GLG1: variants seen among roughly 807,000 people sequenced by gnomAD.
The protein encoded by GLG1 is Golgi apparatus protein 1.
GLG1 carries 38 observed loss-of-function variants against 160.5 expected under a neutral mutation model. The ratio of observed to expected loss-of-function variants is 0.24; its 90% CI spans 0.18 to 0.31. GLG1 has a LOEUF of 0.31. Among genes scored for constraint, GLG1 ranks in the 10% least tolerant of loss-of-function variants. GLG1 has a pLI of 1.00. For missense variants in GLG1, 1,373 were observed against 1,505.2 expected (o/e 0.91, Z 1.45); for synonymous variants, 644 against 543.4 (o/e 1.19, Z -2.57).
chr16:74,476,419 A>T (rs1567467663), intron 12 of GLG1, among the ~76,000 whole-genome samples: 1 of 152,204 alleles, frequency 6.6e-6, no homozygotes, highest in African/African-American at 2.4e-5. Flanking sequence ...TGAACATGAT[A>T]GTCCTATGCT....
At chr16:74,516,742 C>CT (rs1225444358) in intron 2 of GLG1, among the ~76,000 whole-genome samples, 1 of 152,090 alleles carries the variant, frequency 6.6e-6, no homozygotes, top group African/African-American at 2.4e-5. Context: ...ACAAAAAACC[C>CT]TTCAAAATAA....
intron 1 of GLG1, among the ~76,000 whole-genome samples, chr16:74,557,722 C>A (rs1476569507): frequency 2.0e-5 from 3 of 151,748 alleles, no homozygotes; most frequent in Non-Finnish European, 2.9e-5. Context: ...AAGCAGCCAG[C>A]TGGTTCCTTG....
chr16:74,457,678 G>A (rs2014611961), intron 24 of GLG1, among the ~76,000 whole-genome samples, 196 bp downstream of exon 24: 2 of 152,138 alleles, frequency 1.3e-5, no homozygotes, highest in South Asian at 4.1e-4. Context: ...GTTCAAACTC[G>A]CAGGCTTATT....
rs547972719 is a variant in GLG1, at chr16:74,521,446, A to C, written c.471+10675T>G. On this transcript the variant is annotated intron_variant, in intron 2 of 25. Coordinates refer to ENST00000422840, the MANE Select transcript of GLG1 (RefSeq NM_001145667.2). ...ACTTGTATCAGGGCAATAGCAGTGA[A>C]AATGGCCAAATTCAGGATATATTTC... Among the ~76,000 whole-genome samples, 5 of 152,256 alleles carry C rather than the reference A, an allele frequency of 3.3e-5. No individual in the cohort carries two copies. The South Asian group carries it at 1.0e-3, about 32-fold the overall frequency.
chr16:74,519,468 T>C (rs1305133508), intron 2 of GLG1, among the ~76,000 whole-genome samples: 1 of 151,328 alleles, frequency 6.6e-6, no homozygotes, highest in Non-Finnish European at 1.5e-5. Context: ...ATGTAACCCA[T>C]AACTTAAAGT....
At chr16:74,542,586 C>T (rs578086550) in intron 1 of GLG1, among the ~76,000 whole-genome samples, 18 of 149,900 alleles carry the variant, frequency 1.2e-4, no homozygotes, top group African/African-American at 3.7e-4. Context: ...GCAGGAGAAT[C>T]GCTTGAACCC....
intron 3 of GLG1, among the ~76,000 whole-genome samples, chr16:74,504,955 G>T (rs2143465792): frequency 6.6e-6 from 1 of 152,336 alleles, no homozygotes; most frequent in African/African-American, 2.4e-5. Flanking sequence ...AGGGTGTTTG[G>T]AAAAGAGCCT....
chr16:74,474,918 AGGCTGAAGTG>A (rs2015343071), intron 12 of GLG1, among the ~76,000 whole-genome samples: 1 of 152,160 alleles, frequency 6.6e-6, no homozygotes, highest in Non-Finnish European at 1.5e-5. Context: ...GCACTTTGGG[AGGCTGAAGTG>A]GGCAGATCAC....
intron 25 of GLG1, among the ~76,000 whole-genome samples, chr16:74,455,336 G>A (rs563403384): frequency 2.0e-5 from 3 of 152,246 alleles, no homozygotes; most frequent in Admixed American, 6.5e-5. Flanking sequence ...GTAGGGAGGC[G>A]TGAGATGAAT....
At chr16:74,543,446 C>T (rs1294483466) in intron 1 of GLG1, among the ~76,000 whole-genome samples, 1 of 152,132 alleles carries the variant, frequency 6.6e-6, no homozygotes, top group South Asian at 2.1e-4. Context: ...CTACTGCACT[C>T]CAGCCTGGAC....
chr16:74,492,447 T>C (rs1237568166), intron 7 of GLG1, among the ~76,000 whole-genome samples: 1 of 149,862 alleles, frequency 6.7e-6, no homozygotes, highest in Non-Finnish European at 1.5e-5. Flanking sequence ...CTCTGGGAGC[T>C]AAGGTGGGAG....
intron 25 of GLG1, among the ~76,000 whole-genome samples, chr16:74,455,852 A>G (rs2014517312): frequency 6.6e-6 from 1 of 152,220 alleles, no homozygotes; most frequent in South Asian, 2.1e-4. Context: ...CTTACCTCAC[A>G]GGGTTTCAAA....
At chr16:74,482,261 G>C (rs1597250009) in intron 10 of GLG1, among the ~76,000 whole-genome samples, 1 of 152,052 alleles carries the variant, frequency 6.6e-6, no homozygotes, top group Admixed American at 6.6e-5. Context: ...CAAACTGCTG[G>C]GATTATAGGT....
intron 2 of GLG1, among the ~76,000 whole-genome samples, chr16:74,528,513 T>A (rs1041395640): frequency 5.9e-5 from 9 of 152,082 alleles, no homozygotes; most frequent in African/African-American, 1.9e-4. Flanking sequence ...TTTGGCAGAT[T>A]GTTAATAATG....
chr16:74,461,639 T>A (rs1356234129), intron 22 of GLG1: 1 of 152,644 alleles, frequency 6.6e-6, no homozygotes, highest in Non-Finnish European at 1.5e-5. Flanking sequence ...CCTGGCTAAT[T>A]TTTTGTATTT....
At chr16:74,574,775 T>C (rs1357567589) in intron 1 of GLG1, among the ~76,000 whole-genome samples, 1 of 146,154 alleles carries the variant, frequency 6.8e-6, no homozygotes, top group Non-Finnish European at 1.5e-5. Flanking sequence ...TCCCAGTTGC[T>C]TGAAAGGCTG....
At chr16:74,512,011 A>G (rs1015109190) in intron 2 of GLG1, among the ~76,000 whole-genome samples, 3 of 152,026 alleles carry the variant, frequency 2.0e-5, no homozygotes, top group Non-Finnish European at 4.4e-5. Flanking sequence ...GTGGTTTTTT[A>G]CTTTATTCAC....
chr16:74,485,698 A>T, intron 9 of GLG1, 98 bp downstream of exon 9: 1 of 1,093,622 alleles, frequency 9.1e-7, no homozygotes, highest in Non-Finnish European at 1.3e-6. Context: ...AATTTCAGTT[A>T]AGATGTCAAC....
chr16:74,579,769 G>C (rs1186458284), intron 1 of GLG1, among the ~76,000 whole-genome samples: 1 of 148,392 alleles, frequency 6.7e-6, no homozygotes, highest in Non-Finnish European at 1.5e-5. Flanking sequence ...ATCTTCATAT[G>C]AAGACCTTAG....
Sources: gnomAD v4.1 joint callset for allele counts (sites outside exome capture counted in the v4.1 genomes callset) on GRCh38, gnomAD v4.1.1 for gene constraint, MANE v1.5 for transcripts, NCBI Gene and HGNC (gene_info 2026-07-23, HGNC 2026-07-21) for gene names.